Variants in VWA3A observed in about 807,000 individuals in gnomAD.
VWA3A encodes the protein von Willebrand factor A domain-containing protein 3A.
In VWA3A, 134 loss-of-function variants were observed where a neutral mutation model predicts 160.4. That is an observed-to-expected ratio of 0.84 (90% confidence interval 0.73 to 0.96). The LOEUF (loss-of-function observed/expected upper bound fraction) is 0.96, where lower values mean the gene tolerates loss of function less well. Among genes scored for constraint, VWA3A ranks in the 40% least tolerant of loss-of-function variants. The pLI is 0.00. For missense variants in VWA3A, 1,310 were observed against 1,447.9 expected (o/e 0.90, Z 1.55); for synonymous variants, 476 against 543.4 (o/e 0.88, Z 1.72).
At chr16:22,130,222 G>A (rs1047564105) in intron 17 of VWA3A, among the ~76,000 whole-genome samples, 2 of 152,142 alleles carry the variant, frequency 1.3e-5, no homozygotes, top group African/African-American at 4.8e-5. Flanking sequence ...ACTGCAATAG[G>A]TTGAGGAGGT....
chr16:22,111,077 C>T (rs1598054843), intron 8 of VWA3A, 83 bp downstream of exon 8: 2 of 1,216,578 alleles, frequency 1.6e-6, no homozygotes, highest in Non-Finnish European at 2.3e-6. Context: ...AATAATTCAA[C>T]TGCAAACCCC....
intron 17 of VWA3A, among the ~76,000 whole-genome samples, chr16:22,126,887 G>GTA (rs767006057): frequency 8.6e-5 from 13 of 150,382 alleles, no homozygotes; most frequent in East Asian, 3.9e-4. Context: ...TTAATTATGT[G>GTA]TATATATATA....
At chr16:22,145,096 T>C (rs761212939) in intron 26 of VWA3A, among the ~76,000 whole-genome samples, 1 of 152,140 alleles carries the variant, frequency 6.6e-6, no homozygotes, top group African/African-American at 2.4e-5. Context: ...TTTGGGGTGA[T>C]TTTTTATTGC....
chr16:22,128,149 G>C (rs576097459), intron 17 of VWA3A, among the ~76,000 whole-genome samples: 5 of 152,252 alleles, frequency 3.3e-5, no homozygotes, highest in South Asian at 4.1e-4. Context: ...GAAATACCAG[G>C]TGATGGAGGA....
At chr16:22,139,511 T>C (rs2046104946) in intron 22 of VWA3A, among the ~76,000 whole-genome samples, 1 of 152,064 alleles carries the variant, frequency 6.6e-6, no homozygotes, top group African/African-American at 2.4e-5. Context: ...CTGGCCAACA[T>C]GGTGAAACCC....
intron 17 of VWA3A, among the ~76,000 whole-genome samples, chr16:22,127,835 G>A (rs557732541): frequency 1.1e-4 from 17 of 152,160 alleles, no homozygotes; most frequent in Admixed American, 6.5e-4. Flanking sequence ...GCTGTTAAGC[G>A]TTTTCTATAG....
Position 22,115,876 on chromosome 16 carries a change from AG to A in VWA3A, c.815+406del, listed in dbSNP as rs2045624859. Among the ~76,000 whole-genome samples the A allele has an allele frequency of 2.6e-4, 5 of 19,160 alleles. No individual in the cohort carries two copies. In the South Asian group the frequency reaches 0.024, roughly 91 times the overall value. The allele number at this position is 19,160 out of a possible 152,430, so 12.6% of individuals were successfully genotyped here. A position where few individuals can be genotyped will look rare whatever the true frequency, so the allele number is the denominator to read the frequency against. ...AAGGAAGGAAGGAAGGAAGGAAGGA[AG>A]GAAGGAAGGAAGGAAGGAAGGAAGG... On this transcript the variant is annotated intron_variant, in intron 9 of 33. Transcript: ENST00000389398.
chr16:22,117,365 A>C (rs948302638), intron 11 of VWA3A, among the ~76,000 whole-genome samples, 189 bp downstream of exon 11: 1 of 152,252 alleles, frequency 6.6e-6, no homozygotes, highest in Non-Finnish European at 1.5e-5. Context: ...GACCAGGGAC[A>C]ACCTGAAGTC....
chr16:22,141,082 G>A, intron 23 of VWA3A: 1 of 414,356 alleles, frequency 2.4e-6, no homozygotes, highest in South Asian at 1.8e-5. Context: ...TACTGACAAA[G>A]GAACTGAGGC....
chr16:22,104,816 C>G (rs569986106), intron 6 of VWA3A, among the ~76,000 whole-genome samples: 3 of 152,264 alleles, frequency 2.0e-5, no homozygotes, highest in Admixed American at 2.0e-4. Flanking sequence ...ACTTTTCTGG[C>G]TTCCCGTTTG....
At chr16:22,093,533 T>C (rs1901415288) in intron 1 of VWA3A, among the ~76,000 whole-genome samples, 1 of 152,224 alleles carries the variant, frequency 6.6e-6, no homozygotes, top group Admixed American at 6.5e-5. Context: ...GTGAGTGCTC[T>C]ATAAATGTTC....
rs2045443316 is a variant in VWA3A, at chr16:22,103,801, A to G, written c.483+272A>G. Among the ~76,000 whole-genome samples the G allele has an allele frequency of 1.3e-5, 2 of 152,172 alleles. 1 individual carries two copies. The highest frequency in any genetic ancestry group is 3.9e-4 in the East Asian group (2 of 5,192). On this transcript the variant is annotated intron_variant, in intron 6 of 33. Coordinates refer to ENST00000389398, the MANE Select transcript of VWA3A (RefSeq NM_173615.5). ...TAGGAAGGTGGTGATCAGCAGCTCC[A>G]GTAAAAAGGAACTTCACTTCCTGTT...
chr16:22,096,865 A>G lies in VWA3A; in HGVS notation c.21A>G (p.Ile7Met). 1.9e-6 allele frequency: 3 copies of G among 1,543,786 alleles called. No homozygotes were observed. Among genetic ancestry groups the G allele is most frequent in the Non-Finnish European group, 2.6e-6 (3 of 1,140,324 alleles). Residue 7 changes from isoleucine (I) to methionine (M), a missense_variant, in exon 2 of 34, where the codon ATA becomes ATG. Transcript: ENST00000389398. MKKYRK[I>M]SIGCFAMATQ... ...GTATTCTTTTCTTCTTTAGGAAAAT[A>G]AGCATTGGGTGTTTTGCAATGGCTA...
At chr16:22,139,540 A>G (rs1320601198) in intron 22 of VWA3A, among the ~76,000 whole-genome samples, 1 of 152,110 alleles carries the variant, frequency 6.6e-6, no homozygotes, top group African/African-American at 2.4e-5. Context: ...TTAAAAATAC[A>G]GAAATTAGCC....
At chr16:22,154,515 G>T (rs1319662645) in intron 31 of VWA3A, among the ~76,000 whole-genome samples, 2 of 151,212 alleles carry the variant, frequency 1.3e-5, no homozygotes. Context: ...TTTTAGTAGA[G>T]ATGAGGTTTC....
At chr16:22,099,112 A>AG (rs1567525640) in intron 3 of VWA3A, among the ~76,000 whole-genome samples, 1 of 151,604 alleles carries the variant, frequency 6.6e-6, no homozygotes, top group Non-Finnish European at 1.5e-5. Flanking sequence ...AAAAAAAAAA[A>AG]GTACCATGCT....
intron 1 of VWA3A, among the ~76,000 whole-genome samples, chr16:22,095,248 T>A (rs1460773454): frequency 6.6e-6 from 1 of 152,138 alleles, no homozygotes; most frequent in Non-Finnish European, 1.5e-5. Context: ...ATATTCAAGC[T>A]GAAATGTCAA....
chr16:22,101,251 T>C (rs2141839920), intron 5 of VWA3A, among the ~76,000 whole-genome samples: 1 of 152,272 alleles, frequency 6.6e-6, no homozygotes, highest in Admixed American at 6.5e-5. Flanking sequence ...AATAAGACCC[T>C]ATCTCTAAAA....
chr16:22,135,466 G>A (rs1446954602), intron 21 of VWA3A, among the ~76,000 whole-genome samples: 1 of 152,116 alleles, frequency 6.6e-6, no homozygotes, highest in East Asian at 1.9e-4. Flanking sequence ...CTATTTCTAT[G>A]TAAGGCCACA....
Sources: allele counts gnomAD v4.1 joint callset (sites outside exome capture counted in the v4.1 genomes callset), GRCh38; gene constraint gnomAD v4.1.1; transcripts MANE v1.5; gene names NCBI Gene and HGNC (gene_info 2026-07-23, HGNC 2026-07-21).